The following PI15 variants were observed in gnomAD, a reference collection of about 807,000 sequenced individuals.
PI15 encodes peptidase inhibitor 15.
Under a neutral mutation model 31.0 loss-of-function variants are expected in PI15, and 18 were observed. The observed-to-expected ratio is 0.58, with a 90% CI of 0.40 to 0.86. The LOEUF is 0.86. Among genes scored for constraint, PI15 ranks in the 40% least tolerant of loss-of-function variants. PI15 has a pLI of 0.00. For missense variants in PI15, 282 were observed against 328.1 expected (o/e 0.86, Z 1.09); for synonymous variants, 118 against 119.1 (o/e 0.99, Z 0.06).
At chr8:74,844,452 T>C (rs928320664) in intron 3 of PI15, among the ~76,000 whole-genome samples, 3 of 149,296 alleles carry the variant, frequency 2.0e-5, no homozygotes, top group African/African-American at 7.7e-5. Context: ...TGTGTGTGTG[T>C]GTGTGTGTGT....
intron 2 of PI15, among the ~76,000 whole-genome samples, chr8:74,835,822 C>CT (rs754596874): frequency 2.6e-4 from 40 of 152,248 alleles, no homozygotes; most frequent in Non-Finnish European, 4.1e-4. Context: ...TATTCCTTGA[C>CT]TTTTTTAATC....
At chr8:74,835,567 G>A (rs1810850652) in intron 2 of PI15, among the ~76,000 whole-genome samples, 1 of 151,970 alleles carries the variant, frequency 6.6e-6, no homozygotes, top group Admixed American at 6.6e-5. Flanking sequence ...ATTATTCTGG[G>A]GATAATTTCC....
At chr8:74,832,090 G>T (rs1027540199) in intron 2 of PI15, among the ~76,000 whole-genome samples, 1 of 152,012 alleles carries the variant, frequency 6.6e-6, no homozygotes, top group Admixed American at 6.6e-5. Flanking sequence ...TACGTTTAAG[G>T]CAATAAGGAT....
intron 2 of PI15, among the ~76,000 whole-genome samples, chr8:74,829,238 AT>A (rs1274739270): frequency 6.6e-6 from 1 of 152,096 alleles, no homozygotes; most frequent in Admixed American, 6.6e-5. Flanking sequence ...TTTTGTCATC[AT>A]TTATAATGAT....
chr8:74,845,013 G>A (rs989436677), intron 3 of PI15, 115 bp from the exon 4 acceptor site: 2 of 867,328 alleles, frequency 2.3e-6, no homozygotes, highest in East Asian at 2.4e-5. Context: ...GGGTGGATGT[G>A]CTCTTGGATC....
At chr8:74,834,434 C>T (rs1317933404) in intron 2 of PI15, among the ~76,000 whole-genome samples, 1 of 152,130 alleles carries the variant, frequency 6.6e-6, no homozygotes, top group Non-Finnish European at 1.5e-5. Context: ...GTCATAGATC[C>T]TTGACTCAGT....
In PI15 at chr8:74,828,792, A is replaced by T. The variant is rs144912845; in HGVS notation, c.273+3270A>T. ...TTGGCTCAGGGCTTCTAATTGCATCAACCTAGTTTGTAATTCCTTTTACCT... is the reference window on the plus strand; with the variant it reads ...TTGGCTCAGGGCTTCTAATTGCATCTACCTAGTTTGTAATTCCTTTTACCT... On this transcript the variant is annotated intron_variant, in intron 2 of 5. Transcript: ENST00000260113. 9.1e-4 allele frequency among the ~76,000 whole-genome samples: 139 copies of T among 152,122 alleles called. 1 individual carries two copies. The highest frequency in any genetic ancestry group is 3.3e-3 in the African/African-American group (135 of 41,526).
Position 74,851,043 on chromosome 8 carries a change from G to A in PI15, c.*1790G>A, listed in dbSNP as rs1461659811. The A allele has an allele frequency of 6.6e-6, 1 of 152,532 alleles. No individual in the cohort carries two copies. The highest frequency in any genetic ancestry group is 1.5e-5 in the Non-Finnish European group (1 of 67,998). The allele number at this position is 152,532 out of a possible 1,614,324, so 9.4% of individuals were successfully genotyped here. ...TCAATGGTAAAGAAACTCACCATCT[G>A]GAGATTGAGTCTACTTGTTAATGAA... On this transcript the variant is annotated 3_prime_UTR_variant, in exon 6 of 6. Coordinates refer to ENST00000260113, the MANE Select transcript of PI15 (RefSeq NM_015886.5).
At chr8:74,844,546 T>C (rs1810996330) in intron 3 of PI15, among the ~76,000 whole-genome samples, 2 of 152,012 alleles carry the variant, frequency 1.3e-5, no homozygotes, top group Admixed American at 6.6e-5. Flanking sequence ...AATGTAGGCA[T>C]TTACATATGT....
In PI15 at chr8:74,848,736, G is replaced by T. The variant is rs556956177; in HGVS notation, c.642-382G>T. Among the ~76,000 whole-genome samples, 977 of 144,016 alleles carry T rather than the reference G, an allele frequency of 6.8e-3. 9 individuals carry two copies. Among genetic ancestry groups the T allele is most frequent in the Admixed American group, 0.02 (288 of 14,532 alleles). 94.5% of individuals were successfully genotyped at this position (144,016 alleles called of 152,430 possible). On this transcript the variant is annotated intron_variant, in intron 5 of 5. Coordinates refer to ENST00000260113, the MANE Select transcript of PI15 (RefSeq NM_015886.5). ...ATAAATATATATATATATATATAGA[G>T]AGAGAGAGAGAGAGAGAGACGGAGT... is the stretch of plus-strand genomic sequence containing the variant.
At chr8:74,846,080 C>A (rs1354724486) in intron 5 of PI15, 2 of 152,700 alleles carry the variant, frequency 1.3e-5, no homozygotes, top group African/African-American at 2.4e-5. Context: ...ATTACAATAA[C>A]TCTTTGGATG....
At chr8:74,832,989 A>G (rs1810809656) in intron 2 of PI15, among the ~76,000 whole-genome samples, 1 of 152,086 alleles carries the variant, frequency 6.6e-6, no homozygotes, top group African/African-American at 2.4e-5. Flanking sequence ...CATTCTACCA[A>G]ATCTATCTCT....
Position 74,845,750 on chromosome 8 carries a change from T to C in PI15, c.641+253T>C, listed in dbSNP as rs537753464. 6.1e-4 allele frequency: 271 copies of C among 443,494 alleles called. 6 individuals are homozygous for C. In the South Asian group the frequency reaches 8.1e-3, roughly 13 times the overall value. The allele number at this position is 443,494 out of a possible 1,614,324, so 27.5% of individuals were successfully genotyped here. On this transcript the variant is annotated intron_variant, in intron 5 of 5. Transcript: ENST00000260113. The stretch of plus-strand genomic sequence containing the variant: ...AGGGCTCACTAAATTCTCCTTACCA[T>C]ATGTTTTAATTATGGCAATTGTAAA...
At position 74,852,897 on chromosome 8, in the gene PI15, T is replaced by C. The variant is rs1230739363; in HGVS notation, c.*3644T>C. 1 of 152,092 alleles carries C rather than the reference T, an allele frequency of 6.6e-6. No homozygotes were observed. The highest frequency in any genetic ancestry group is 2.4e-5 in the African/African-American group (1 of 41,440). 9.4% of individuals were successfully genotyped at this position (152,092 alleles called of 1,614,324 possible). A position where few individuals can be genotyped will look rare whatever the true frequency, so the allele number is the denominator to read the frequency against. Reference sequence around the variant, plus strand: ...GCTCTGCAGTATCGAAGGATGCAAATGTTGACATAGATGGAAGCTCTTACC... The same window carrying C: ...GCTCTGCAGTATCGAAGGATGCAAACGTTGACATAGATGGAAGCTCTTACC... On this transcript the variant is annotated 3_prime_UTR_variant, in exon 6 of 6. Coordinates refer to ENST00000260113, the MANE Select transcript of PI15 (RefSeq NM_015886.5).
intron 2 of PI15, chr8:74,826,342 T>C (rs1810699947): frequency 2.1e-6 from 2 of 940,814 alleles, no homozygotes; most frequent in Non-Finnish European, 2.5e-6. Context: ...ACCATCAATA[T>C]GGTATTTCCA....
In PI15 at chr8:74,849,340, A is replaced by G. The variant is rs888329151; in HGVS notation, c.*87A>G. 4 of 1,008,154 alleles carry G rather than the reference A, an allele frequency of 4.0e-6. No homozygotes were observed. Among genetic ancestry groups the G allele is most frequent in the South Asian group, 1.9e-5 (1 of 51,772 alleles). The allele number at this position is 1,008,154 out of a possible 1,614,324, so 62.5% of individuals were successfully genotyped here. A position where few individuals can be genotyped will look rare whatever the true frequency, so the allele number is the denominator to read the frequency against. On this transcript the variant is annotated 3_prime_UTR_variant, in exon 6 of 6. Coordinates refer to ENST00000260113, the MANE Select transcript of PI15 (RefSeq NM_015886.5). Reference sequence around the variant, plus strand: ...ATGGAGAGAGAATTTTGCACATATTATACATATTTTGTGCTAATCTTGTTT... The same window carrying G: ...ATGGAGAGAGAATTTTGCACATATTGTACATATTTTGTGCTAATCTTGTTT...
In PI15 at chr8:74,849,415, T is replaced by C. The variant is rs1177250710; in HGVS notation, c.*162T>C. The C allele has an allele frequency of 3.9e-6, 2 of 506,568 alleles. No individual in the cohort carries two copies. Among genetic ancestry groups the C allele is most frequent in the African/African-American group, 4.0e-5 (2 of 50,120 alleles). 31.4% of individuals were successfully genotyped at this position (506,568 alleles called of 1,614,324 possible). A position where few individuals can be genotyped will look rare whatever the true frequency, so the allele number is the denominator to read the frequency against. On this transcript the variant is annotated 3_prime_UTR_variant, in exon 6 of 6. Transcript: ENST00000260113. ...ATTAGTGTTTGTCTAGCATGTTTGTTTAATCCTTTGAAATATTTGAAACAT... is the reference window on the plus strand; with the variant it reads ...ATTAGTGTTTGTCTAGCATGTTTGTCTAATCCTTTGAAATATTTGAAACAT...
chr8:74,845,934 T>A (rs1196643449), intron 5 of PI15: 1 of 157,858 alleles, frequency 6.3e-6, no homozygotes, highest in Non-Finnish European at 1.4e-5. Flanking sequence ...TTTTAGATTT[T>A]AAAAATTCAT....
chr8:74,848,732 T>TAGAGAGAGAG (rs1004356103), intron 5 of PI15, among the ~76,000 whole-genome samples: 2 of 136,350 alleles, frequency 1.5e-5, no homozygotes, highest in African/African-American at 5.5e-5. Context: ...TATATATATA[T>TAGAGAGAGAG]AGAGAGAGAG....
Sources: gnomAD v4.1 joint callset for allele counts (sites outside exome capture counted in the v4.1 genomes callset) on GRCh38, gnomAD v4.1.1 for gene constraint, MANE v1.5 for transcripts, NCBI Gene and HGNC (gene_info 2026-07-23, HGNC 2026-07-21) for gene names.